The following VAC14 variants were observed in gnomAD, a reference collection of about 807,000 sequenced individuals.
The protein encoded by VAC14 is VAC14 component of PIKFYVE complex, also known as protein VAC14 homolog.
VAC14 carries 47 observed loss-of-function variants against 85.3 expected under a neutral mutation model. The ratio of observed to expected loss-of-function variants is 0.55; its 90% CI spans 0.44 to 0.70. VAC14 has a LOEUF of 0.70. Ranked by LOEUF, VAC14 falls within the 30% of genes least tolerant of loss-of-function variation. The pLI is 0.00. For synonymous variants in VAC14, 447 were observed against 430.5 expected, an observed-to-expected ratio of 1.04 and a Z score of -0.47; for missense variants, 861 against 1,004.3, an observed-to-expected ratio of 0.86 and a Z score of 1.93.
rs73577124 is a variant in VAC14 at position 70,722,259 on chromosome 16, C to T, written c.1661+9236G>A. ...GACTTGGCCCATCCAGGACTCTTCC[C>T]CGGGCACTGCATGCTCCCTTGCAGG... On this transcript the variant is annotated intron_variant, in intron 14 of 18. Transcript: ENST00000261776. Among the ~76,000 whole-genome samples the T allele has an allele frequency of 8.3e-4, 127 of 152,336 alleles. 2 individuals carry two copies. Among genetic ancestry groups the T allele is most frequent in the Middle Eastern group, 3.4e-3 (1 of 294 alleles).
rs189625111 is a variant in VAC14 at position 70,785,893 on chromosome 16, A to G, written c.256-24T>C. On this transcript the variant is annotated intron_variant, in intron 2 of 18. Coordinates refer to ENST00000261776, the MANE Select transcript of VAC14 (RefSeq NM_018052.5). ...TCCTGCAAGGAGGCAGGAGGAGAAGACAGATCAGAATGGGTTGGAGCCCAG... is the reference window on the plus strand; with the variant it reads ...TCCTGCAAGGAGGCAGGAGGAGAAGGCAGATCAGAATGGGTTGGAGCCCAG... 16 of 1,594,412 alleles carry G rather than the reference A, an allele frequency of 1.0e-5. No homozygotes were observed. The Admixed American group carries it at 2.4e-4, about 24-fold the overall frequency.
intron 13 of VAC14, among the ~76,000 whole-genome samples, chr16:70,732,284 C>T (rs1207630320): frequency 1.3e-5 from 2 of 152,202 alleles, no homozygotes; most frequent in Non-Finnish European, 2.9e-5. Flanking sequence ...TCTTCCTCAT[C>T]CTCAGGCAAA....
At chr16:70,713,092 G>A (rs997886724) in intron 14 of VAC14, among the ~76,000 whole-genome samples, 2 of 152,180 alleles carry the variant, frequency 1.3e-5, no homozygotes, top group Non-Finnish European at 2.9e-5. Flanking sequence ...TCTAAAACCA[G>A]GCAAACCTCC....
At chr16:70,698,284 C>T (rs1316310677) in intron 15 of VAC14, among the ~76,000 whole-genome samples, 1 of 152,208 alleles carries the variant, frequency 6.6e-6, no homozygotes, top group East Asian at 1.9e-4. Context: ...GGTGGCACCA[C>T]CATGCAGGGT....
chr16:70,746,903 A>G (rs2030941894), intron 12 of VAC14, among the ~76,000 whole-genome samples: 1 of 152,152 alleles, frequency 6.6e-6, no homozygotes, highest in South Asian at 2.1e-4. Flanking sequence ...ATCCAAAATT[A>G]AACAGTGAGG....
intron 12 of VAC14, among the ~76,000 whole-genome samples, chr16:70,751,131 T>C (rs2031352440): frequency 6.6e-6 from 1 of 152,184 alleles, no homozygotes; most frequent in Non-Finnish European, 1.5e-5. Flanking sequence ...CACTTATCCT[T>C]AAGAAACTTG....
At chr16:70,773,218 T>C (rs891097040) in intron 9 of VAC14, 1 of 152,200 alleles carries the variant, frequency 6.6e-6, no homozygotes, top group African/African-American at 2.4e-5. Context: ...GTGTGGTACA[T>C]GAATTCTATC....
chr16:70,701,727 G>C (rs901446254), intron 14 of VAC14, among the ~76,000 whole-genome samples: 20 of 152,310 alleles, frequency 1.3e-4, no homozygotes, highest in African/African-American at 4.3e-4. Context: ...GCCTGGATCT[G>C]AAACAAACCC....
Position 70,801,154 on chromosome 16 carries a change from G to A in VAC14, c.-254C>T, listed in dbSNP as rs1223160238. On this transcript the variant is annotated 5_prime_UTR_variant, in exon 1 of 19. Coordinates refer to ENST00000261776, the MANE Select transcript of VAC14 (RefSeq NM_018052.5). ...TCACGAGACAGCGGCCATGTTACTC[G>A]AGTCACATGACTCTACAGCACTTCC... is the stretch of plus-strand genomic sequence containing the variant. The A allele has an allele frequency of 2.5e-6, 1 of 405,180 alleles. No homozygotes were observed. The highest frequency in any genetic ancestry group is 4.4e-6 in the Non-Finnish European group (1 of 229,110). The allele number at this position is 405,180 out of a possible 1,614,324, so 25.1% of individuals were successfully genotyped here.
chr16:70,698,859 CT>C, intron 14 of VAC14, 48 bp from the exon 15 acceptor site: 1 of 1,596,980 alleles, frequency 6.3e-7, no homozygotes, highest in Non-Finnish European at 8.5e-7. Context: ...ACCTGGAAGG[CT>C]CTGTGTCTCA....
chr16:70,782,152 T>C, intron 7 of VAC14, 149 bp from the exon 8 acceptor site: 1 of 1,164,800 alleles, frequency 8.6e-7, no homozygotes, highest in South Asian at 1.6e-5. Flanking sequence ...ACTACCTGTG[T>C]GCTTTGCCTT....
At position 70,687,790 on chromosome 16, in the gene VAC14, C is replaced by A. The variant is rs2053523227; in HGVS notation, c.*138G>T. ...GAGGAGCTTGGGCAGACACAGCAGC[C>A]TCCGGCCCCAACACTGCCCTGGGTT... is the stretch of plus-strand genomic sequence containing the variant. On this transcript the variant is annotated 3_prime_UTR_variant, in exon 19 of 19. Coordinates refer to ENST00000261776, the MANE Select transcript of VAC14 (RefSeq NM_018052.5). 2.1e-6 allele frequency: 2 copies of A among 973,842 alleles called. No individual in the cohort carries two copies. Among genetic ancestry groups the A allele is most frequent in the African/African-American group, 1.7e-5 (1 of 59,082 alleles). 60.3% of individuals were successfully genotyped at this position (973,842 alleles called of 1,614,324 possible). A position where few individuals can be genotyped will look rare whatever the true frequency, so the allele number is the denominator to read the frequency against.
chr16:70,791,630 C>T (rs1397286846), intron 1 of VAC14, among the ~76,000 whole-genome samples: 1 of 152,190 alleles, frequency 6.6e-6, no homozygotes, highest in Non-Finnish European at 1.5e-5. Flanking sequence ...TAGTGATCCG[C>T]CCACCTTGGC....
At chr16:70,780,074 G>C (rs988276534) in intron 9 of VAC14, among the ~76,000 whole-genome samples, 5 of 147,390 alleles carry the variant, frequency 3.4e-5, no homozygotes, top group South Asian at 2.2e-4. Context: ...TGCCCAGGCT[G>C]GTCTCAAACT....
chr16:70,731,662 G>C (rs774577657), intron 13 of VAC14, 35 bp from the exon 14 acceptor site: 10 of 1,563,830 alleles, frequency 6.4e-6, no homozygotes, highest in African/African-American at 2.8e-5. Flanking sequence ...CATTTATTCT[G>C]ATTATGTGTC....
chr16:70,700,711 G>T (rs904919747), intron 14 of VAC14, among the ~76,000 whole-genome samples: 1 of 152,126 alleles, frequency 6.6e-6, no homozygotes, highest in Admixed American at 6.5e-5. Context: ...GGCCCCTCCC[G>T]GTCCCCCAAC....
At chr16:70,733,208 G>A (rs918755174) in intron 13 of VAC14, among the ~76,000 whole-genome samples, 6 of 152,102 alleles carry the variant, frequency 3.9e-5, no homozygotes, top group Non-Finnish European at 7.4e-5. Flanking sequence ...TGCCTATTCT[G>A]GATGTTTCCT....
intron 8 of VAC14, among the ~76,000 whole-genome samples, chr16:70,781,392 G>A (rs1329839271): frequency 6.6e-6 from 1 of 152,300 alleles, no homozygotes; most frequent in South Asian, 2.1e-4. Flanking sequence ...ATATAGAGTG[G>A]TCCCAGCCAG....
chr16:70,780,256 T>C (rs1277854776), intron 9 of VAC14, among the ~76,000 whole-genome samples: 1 of 152,104 alleles, frequency 6.6e-6, no homozygotes, highest in African/African-American at 2.4e-5. Flanking sequence ...AGGCACTTAT[T>C]TGGGCAAGAG....
Sources: gnomAD v4.1 joint callset for allele counts (sites outside exome capture counted in the v4.1 genomes callset) on GRCh38, gnomAD v4.1.1 for gene constraint, MANE v1.5 for transcripts, NCBI Gene and HGNC (gene_info 2026-07-23, HGNC 2026-07-21) for gene names.